ATG3: variants seen among roughly 807,000 people sequenced by gnomAD.
ATG3 encodes autophagy related 3, also known as ubiquitin-like-conjugating enzyme ATG3.
In ATG3, 25 loss-of-function variants were observed where a neutral mutation model predicts 50.7. The ratio of observed to expected loss-of-function variants is 0.49; its 90% CI spans 0.36 to 0.69. ATG3 has a LOEUF of 0.69. ATG3 is among the 30% of genes least tolerant of loss of function. ATG3 has a pLI of 0.00. For synonymous variants in ATG3, 119 were observed against 125.5 expected, an observed-to-expected ratio of 0.95 and a Z score of 0.34; for missense variants, 281 against 376.0, an observed-to-expected ratio of 0.75 and a Z score of 2.09.
chr3:112,534,360 ATT>A, intron 10 of ATG3, 23 bp from the exon 11 acceptor site: 1 of 1,519,470 alleles, frequency 6.6e-7, no homozygotes, highest in Non-Finnish European at 8.8e-7. Flanking sequence ...AAAAAAAAAA[ATT>A]GTTAATGTAG....
At chr3:112,545,706 C>T (rs949267796) in intron 5 of ATG3, among the ~76,000 whole-genome samples, 2 of 151,956 alleles carry the variant, frequency 1.3e-5, no homozygotes, top group Non-Finnish European at 2.9e-5. Context: ...ATAAGTAGTA[C>T]GCCATTAAAA....
intron 2 of ATG3, among the ~76,000 whole-genome samples, chr3:112,555,523 T>C (rs774093705): frequency 1.3e-5 from 2 of 152,186 alleles, no homozygotes; most frequent in Non-Finnish European, 2.9e-5. Flanking sequence ...CAACATTAGT[T>C]TTTTCTTTGT....
At chr3:112,556,539 T>C (rs1256407805) in intron 2 of ATG3, among the ~76,000 whole-genome samples, 19 of 152,244 alleles carry the variant, frequency 1.2e-4, no homozygotes, top group African/African-American at 3.9e-4. Flanking sequence ...CAACAGCTCA[T>C]TGAGAACGGG....
chr3:112,555,549 T>TATCAG (rs1443042168), intron 2 of ATG3, among the ~76,000 whole-genome samples: 2 of 152,218 alleles, frequency 1.3e-5, no homozygotes, highest in Admixed American at 6.5e-5. Context: ...GACAATACAG[T>TATCAG]ATCAGATACT....
At chr3:112,556,547 G>A (rs1425256493) in intron 2 of ATG3, among the ~76,000 whole-genome samples, 3 of 152,158 alleles carry the variant, frequency 2.0e-5, no homozygotes, top group East Asian at 1.9e-4. Flanking sequence ...CATTGAGAAC[G>A]GGCCATGATG....
At chr3:112,541,712 C>A in intron 7 of ATG3, 91 bp downstream of exon 7, 1 of 1,149,612 alleles carries the variant, frequency 8.7e-7, no homozygotes, top group Middle Eastern at 2.0e-4. Context: ...GCTAAACTTA[C>A]AACTCAATGA....
At position 112,534,341 on chromosome 3, in the gene ATG3, G is replaced by C. The variant is rs764806780; in HGVS notation, c.795-4C>G. 7.6e-7 allele frequency: 1 copy of C among 1,309,936 alleles called. No individual in the cohort carries two copies. Among genetic ancestry groups the C allele is most frequent in the Non-Finnish European group, 9.7e-7 (1 of 1,028,966 alleles). 81.1% of individuals were successfully genotyped at this position (1,309,936 alleles called of 1,614,324 possible). On this transcript the variant is annotated splice_polypyrimidine_tract_variant and splice_region_variant and intron_variant, in intron 10 of 11. Transcript: ENST00000283290. ...TTTCTTCATCACCTCAGCATGCCTA[G>C]AAGCCAAAAAAAAAAAAAATTGTTA...
At chr3:112,532,892 A>T in intron 11 of ATG3, 112 bp from the exon 12 acceptor site, 1 of 1,327,532 alleles carries the variant, frequency 7.5e-7, no homozygotes, top group Non-Finnish European at 9.6e-7. Context: ...AACCCCACAA[A>T]ATCTTAAATT....
chr3:112,534,185 T>C (rs773653107), intron 11 of ATG3, 84 bp downstream of exon 11: 3 of 1,549,522 alleles, frequency 1.9e-6, no homozygotes, highest in Non-Finnish European at 1.7e-6. Context: ...ATAGCTACTG[T>C]ATCATTAAGG....
At chr3:112,550,293 A>C (rs1479074657) in intron 3 of ATG3, 31 bp from the exon 4 acceptor site, 4 of 1,534,992 alleles carry the variant, frequency 2.6e-6, no homozygotes, top group Non-Finnish European at 3.6e-6. Context: ...ACCAAAATAC[A>C]AAACATATTT....
chr3:112,534,892 T>A (rs1932981912), intron 10 of ATG3: 1 of 152,084 alleles, frequency 6.6e-6, no homozygotes, highest in Non-Finnish European at 1.5e-5. Context: ...CTGAGAGGGT[T>A]TAAGAAAAGC....
intron 6 of ATG3, among the ~76,000 whole-genome samples, 160 bp from the exon 7 acceptor site, chr3:112,542,044 A>G (rs1220304510): frequency 1.3e-5 from 2 of 152,222 alleles, no homozygotes; most frequent in African/African-American, 4.8e-5. Flanking sequence ...ATGAATTCAT[A>G]TATCAGTCAT....
chr3:112,559,273 C>A lies in ATG3; in HGVS notation c.73-856G>T, dbSNP rs191450495. 1.2e-3 allele frequency among the ~76,000 whole-genome samples: 182 copies of A among 152,244 alleles called. No homozygotes were observed. The Middle Eastern group carries it at 0.014, about 11-fold the overall frequency. ...CACCAAGATACTGACACACTATTCT[C>A]TAAATTTTTCTAAACTTTAAGTTAT... On this transcript the variant is annotated intron_variant, in intron 1 of 11. Transcript: ENST00000283290.
At chr3:112,538,248 G>T (rs1576714818) in intron 7 of ATG3, 68 bp from the exon 8 acceptor site, 1 of 1,234,130 alleles carries the variant, frequency 8.1e-7, no homozygotes, top group Non-Finnish European at 1.1e-6. Context: ...ACCAATTTAA[G>T]TATTACTTCA....
intron 5 of ATG3, 60 bp downstream of exon 5, chr3:112,548,473 T>G (rs1933432997): frequency 7.3e-7 from 1 of 1,361,160 alleles, no homozygotes; most frequent in African/African-American, 1.4e-5. Flanking sequence ...AAGGCTATTA[T>G]AAAAGATTGT....
rs879408492 is a variant in ATG3, at chr3:112,557,019, T to TA, written c.114+1356dup. 9.0e-3 allele frequency among the ~76,000 whole-genome samples: 1,277 copies of TA among 141,548 alleles called. 15 individuals carry two copies. The highest frequency in any genetic ancestry group is 0.031 in the African/African-American group (1,203 of 38,550). 92.9% of individuals were successfully genotyped at this position (141,548 alleles called of 152,430 possible). Reference sequence around the variant, plus strand: ...CGAGAAACACCCAAGAATGATCAATTAAAAAAAAAAAAGAAATTACAGAAA... The same window carrying TA: ...CGAGAAACACCCAAGAATGATCAATTAAAAAAAAAAAAAGAAATTACAGAAA... On this transcript the variant is annotated intron_variant, in intron 2 of 11. Transcript: ENST00000283290.
At chr3:112,537,614 A>G (rs1933105702) in intron 9 of ATG3, 121 bp downstream of exon 9, 1 of 708,950 alleles carries the variant, frequency 1.4e-6, no homozygotes, top group Non-Finnish European at 2.1e-6. Flanking sequence ...ATAAAACTGT[A>G]AAACAGATGA....
chr3:112,555,874 GTTAT>G (rs993294086), intron 2 of ATG3, among the ~76,000 whole-genome samples: 1 of 152,142 alleles, frequency 6.6e-6, no homozygotes, highest in African/African-American at 2.4e-5. Flanking sequence ...AAGTGTAACA[GTTAT>G]TTATTCTAGG....
At chr3:112,539,556 C>T (rs1933169098) in intron 7 of ATG3, among the ~76,000 whole-genome samples, 2 of 152,084 alleles carry the variant, frequency 1.3e-5, no homozygotes, top group South Asian at 4.1e-4. Flanking sequence ...TTCTCTAACC[C>T]CTTTCTTCCT....
Sources: allele counts gnomAD v4.1 joint callset (sites outside exome capture counted in the v4.1 genomes callset), GRCh38; gene constraint gnomAD v4.1.1; transcripts MANE v1.5; gene names NCBI Gene and HGNC (gene_info 2026-07-23, HGNC 2026-07-21).